FOCAD: variants seen among roughly 807,000 people sequenced by gnomAD.
FOCAD encodes focadhesin, also known as KIAA1797.
A neutral mutation model predicts 225.6 loss-of-function variants in FOCAD; 198 were observed. The ratio of observed to expected loss-of-function variants is 0.88; its 90% confidence interval spans 0.78 to 0.99. The LOEUF (loss-of-function observed/expected upper bound fraction) is 0.99, where lower values mean the gene tolerates loss of function less well. Among genes scored for constraint, FOCAD ranks in the 50% least tolerant of loss-of-function variants. The probability of loss-of-function intolerance (pLI) is 0.00; values close to 1 mark genes in which losing one functional copy is unlikely to be tolerated. For synonymous variants in FOCAD, 897 were observed against 755.0 expected (o/e 1.19, Z -3.08); for missense variants, 2,713 against 2,123.6 (o/e 1.28, Z -5.46).
chr9:20,898,470 T>G (rs112267178), intron 21 of FOCAD, among the ~76,000 whole-genome samples: 5 of 151,864 alleles, frequency 3.3e-5, no homozygotes, highest in African/African-American at 7.2e-5. Context: ...CATTGAGATA[T>G]CCTCAAGATC....
intron 24 of FOCAD, 76 bp from the exon 25 acceptor site, chr9:20,923,584 C>G: frequency 1.8e-6 from 2 of 1,081,824 alleles, no homozygotes; most frequent in Non-Finnish European, 2.8e-6. Context: ...ACTTCACCTG[C>G]CCTCCTATAT....
chr9:20,987,343 A>G (rs1228154212), intron 40 of FOCAD, among the ~76,000 whole-genome samples: 1 of 152,102 alleles, frequency 6.6e-6, no homozygotes, highest in Non-Finnish European at 1.5e-5. Flanking sequence ...CCCTGTCTCT[A>G]CTAAAACGAC....
chr9:20,764,265 T>G (rs1191981965), intron 6 of FOCAD, among the ~76,000 whole-genome samples: 1 of 151,940 alleles, frequency 6.6e-6, no homozygotes, highest in Non-Finnish European at 1.5e-5. Flanking sequence ...CAGGTGATCC[T>G]TTTTTTTAAG....
Position 20,929,380 on chromosome 9 carries a change from C to T in FOCAD, c.3101C>T (p.Thr1034Ile). The change falls in exon 27 of 44, where the codon ACA becomes ATA. Residue 1034 changes from threonine to isoleucine, a missense_variant. By Grantham distance (89) the Thr-to-Ile change is moderately conservative (BLOSUM62 -1). Transcript: ENST00000338382. Reference sequence around the variant, plus strand: ...TAGAAGTCCTATTCTGGTGAAAACACAGCTAGTGCCATTGCCCGTTCTGCT... The same window carrying T: ...TAGAAGTCCTATTCTGGTGAAAACATAGCTAGTGCCATTGCCCGTTCTGCT... The part of the protein sequence containing the change: ...FYYKSYSGEN[T>I]ASAIARSAAA... The T allele has an allele frequency of 1.2e-6, 2 of 1,614,076 alleles. No homozygotes were observed. The highest frequency in any genetic ancestry group is 1.7e-6 in the Non-Finnish European group (2 of 1,179,994).
At chr9:20,912,716 T>A (rs1383896234) in intron 22 of FOCAD, 150 bp from the exon 23 acceptor site, 2 of 579,094 alleles carry the variant, frequency 3.5e-6, no homozygotes, top group Non-Finnish European at 6.2e-6. Flanking sequence ...ATGTGATGAT[T>A]TCTCCTCACA....
At chr9:20,674,675 G>A (rs890087544) in intron 2 of FOCAD, among the ~76,000 whole-genome samples, 3 of 152,206 alleles carry the variant, frequency 2.0e-5, no homozygotes, top group Admixed American at 2.0e-4. Context: ...GGAGAAAGTA[G>A]GCCATGTGTT....
chr9:20,967,395 A>G (rs1839359893), intron 35 of FOCAD, among the ~76,000 whole-genome samples: 1 of 152,124 alleles, frequency 6.6e-6, no homozygotes, highest in African/African-American at 2.4e-5. Context: ...GAATTCCTTT[A>G]TTAACTCTAT....
In FOCAD at chr9:20,948,140, T is replaced by G. The variant is rs1837357981; in HGVS notation, c.3676-131T>G. The G allele has an allele frequency of 3.2e-6, 3 of 928,166 alleles. No individual in the cohort carries two copies. The East Asian group carries it at 8.9e-5, about 27-fold the overall frequency. 57.5% of individuals were successfully genotyped at this position (928,166 alleles called of 1,614,324 possible). Reference sequence around the variant, plus strand: ...ACAAAAAAACACTTAAGTCTGATTTTTCATATGACAAATACAGCTTGTCAT... The same window carrying G: ...ACAAAAAAACACTTAAGTCTGATTTGTCATATGACAAATACAGCTTGTCAT... On this transcript the variant is annotated intron_variant, in intron 30 of 43. Coordinates refer to ENST00000338382, the MANE Select transcript of FOCAD (RefSeq NM_001375567.1).
intron 15 of FOCAD, among the ~76,000 whole-genome samples, chr9:20,859,027 T>A (rs1340829840): frequency 6.6e-6 from 1 of 152,184 alleles, no homozygotes; most frequent in African/African-American, 2.4e-5. Flanking sequence ...TGAGAATATT[T>A]CATTTGCTCC....
At chr9:20,687,992 C>G (rs910189211) in intron 1 of FOCAD, among the ~76,000 whole-genome samples, 3 of 152,010 alleles carry the variant, frequency 2.0e-5, no homozygotes, top group Non-Finnish European at 4.4e-5. Context: ...ATTCTGGGCA[C>G]AAGAAAGCAG....
At chr9:20,940,214 A>G (rs1587674800) in intron 28 of FOCAD, among the ~76,000 whole-genome samples, 1 of 151,324 alleles carries the variant, frequency 6.6e-6, no homozygotes. Flanking sequence ...TTTTAGTTCT[A>G]CGGTTAATGA....
chr9:20,724,221 C>A (rs963581217), intron 4 of FOCAD, among the ~76,000 whole-genome samples: 1 of 152,096 alleles, frequency 6.6e-6, no homozygotes, highest in Non-Finnish European at 1.5e-5. Context: ...ATATAAACAG[C>A]TTTCTATTTT....
chr9:20,820,219 T>A, intron 12 of FOCAD, 105 bp from the exon 13 acceptor site: 1 of 760,564 alleles, frequency 1.3e-6, no homozygotes, highest in Non-Finnish European at 2.1e-6. Flanking sequence ...GCAAGCTTTC[T>A]TCTCAGTCTT....
intron 15 of FOCAD, among the ~76,000 whole-genome samples, chr9:20,828,798 C>G (rs925220985): frequency 6.6e-6 from 1 of 152,066 alleles, no homozygotes; most frequent in African/African-American, 2.4e-5. Context: ...GCAACCCCTC[C>G]CCTGACAGTT....
intron 15 of FOCAD, among the ~76,000 whole-genome samples, chr9:20,828,639 T>G (rs557234186): frequency 2.4e-4 from 36 of 152,282 alleles, no homozygotes; most frequent in African/African-American, 8.7e-4. Context: ...TTTTGATTTT[T>G]ATTTTAAGTT....
At chr9:20,884,194 C>G (rs1587500554) in intron 20 of FOCAD, among the ~76,000 whole-genome samples, 1 of 152,110 alleles carries the variant, frequency 6.6e-6, no homozygotes, top group Non-Finnish European at 1.5e-5. Context: ...CAAATTTGTT[C>G]ATTTATTTAT....
intron 4 of FOCAD, among the ~76,000 whole-genome samples, chr9:20,735,461 AATCC>A (rs1827073826): frequency 1.3e-5 from 2 of 151,064 alleles, no homozygotes; most frequent in African/African-American, 4.9e-5. Context: ...TTCTTCAGTC[AATCC>A]TTCCTTCCTT....
chr9:20,963,132 T>A (rs551651080), intron 35 of FOCAD, among the ~76,000 whole-genome samples: 4 of 152,328 alleles, frequency 2.6e-5, no homozygotes, highest in Non-Finnish European at 5.9e-5. Flanking sequence ...TAGTGGAAAA[T>A]TTTTTGTGAG....
At chr9:20,685,891 T>C (rs1423087989) in intron 1 of FOCAD, among the ~76,000 whole-genome samples, 1 of 152,228 alleles carries the variant, frequency 6.6e-6, no homozygotes, top group African/African-American at 2.4e-5. Context: ...CCTCGCGCCC[T>C]GTAATAAATA....
Sources: allele counts gnomAD v4.1 joint callset (sites outside exome capture counted in the v4.1 genomes callset), GRCh38; gene constraint gnomAD v4.1.1; transcripts MANE v1.5; gene names NCBI Gene and HGNC (gene_info 2026-07-23, HGNC 2026-07-21).